Variants in BBS7 observed in about 807,000 individuals in gnomAD.
The protein encoded by BBS7 is BBSome complex member BBS7.
In BBS7, 50 loss-of-function variants were observed where a neutral mutation model predicts 90.3. The observed-to-expected ratio is 0.55, with a 90% CI of 0.44 to 0.70. The LOEUF is 0.70. Among genes scored for constraint, BBS7 ranks in the 30% least tolerant of loss-of-function variants. The pLI, the probability that BBS7 is intolerant of heterozygous loss-of-function variation, is 0.00. For synonymous variants in BBS7, 235 were observed against 287.4 expected (o/e 0.82, Z 1.85); for missense variants, 729 against 838.9 (o/e 0.87, Z 1.62).
intron 15 of BBS7, 60 bp from the exon 16 acceptor site, chr4:121,828,788 T>C: frequency 9.9e-7 from 1 of 1,007,588 alleles, no homozygotes; most frequent in Non-Finnish European, 1.5e-6. Context: ...CCAGTACATA[T>C]ATATTTTATG....
At chr4:121,838,192 AAAT>A (rs1344518510) in intron 13 of BBS7, among the ~76,000 whole-genome samples, 3 of 152,172 alleles carry the variant, frequency 2.0e-5, no homozygotes, top group African/African-American at 7.2e-5. Context: ...TAAAATGTTT[AAAT>A]GTGTTTTTTC....
rs549806779 is a variant in BBS7 at position 121,867,274 on chromosome 4, C to T, written c.102+707G>A. 3.3e-5 allele frequency among the ~76,000 whole-genome samples: 5 copies of T among 152,052 alleles called. No individual in the cohort carries two copies. In the South Asian group the frequency reaches 1.0e-3, roughly 32 times the overall value. On this transcript the variant is annotated intron_variant, in intron 2 of 18. Transcript: ENST00000264499. ...TAATTTCAGTATATTAATTTTGTAT[C>T]CTGCAACTTTACTGAATTCATTTGT...
chr4:121,866,166 A>G (rs1339624918), intron 2 of BBS7, among the ~76,000 whole-genome samples: 2 of 152,056 alleles, frequency 1.3e-5, no homozygotes, highest in African/African-American at 4.8e-5. Flanking sequence ...CCCATTCTAT[A>G]GATTGTCTTT....
At chr4:121,856,423 C>G (rs150441504) in intron 5 of BBS7, among the ~76,000 whole-genome samples, 4 of 152,076 alleles carry the variant, frequency 2.6e-5, no homozygotes, top group African/African-American at 9.7e-5. Flanking sequence ...TCAATGAATA[C>G]AAAATTTGCA....
rs1724877622 is a variant in BBS7 at position 121,825,811 on chromosome 4, T to G, written c.*49A>C. 1 of 1,586,496 alleles carries G rather than the reference T, an allele frequency of 6.3e-7. No homozygotes were observed. ...GTTAACTTCTAATTCTCTTTTAACA[T>G]TTTTCATTTAAACAGACCACTTCTT... On this transcript the variant is annotated 3_prime_UTR_variant, in exon 19 of 19. Transcript: ENST00000264499.
At chr4:121,834,692 A>G (rs1378407691) in intron 14 of BBS7, among the ~76,000 whole-genome samples, 1 of 152,200 alleles carries the variant, frequency 6.6e-6, no homozygotes, top group Non-Finnish European at 1.5e-5. Flanking sequence ...GAAAAACTAC[A>G]AAGAAGTGGA....
chr4:121,870,145 G>T, intron 1 of BBS7, 133 bp downstream of exon 1: 2 of 1,107,110 alleles, frequency 1.8e-6, no homozygotes, highest in Non-Finnish European at 2.8e-6. Context: ...GTGCTGAGAG[G>T]TCGGCACCCA....
chr4:121,867,548 C>T (rs1342238644), intron 2 of BBS7, among the ~76,000 whole-genome samples: 1 of 152,212 alleles, frequency 6.6e-6, no homozygotes, highest in Middle Eastern at 3.4e-3. Flanking sequence ...TACTAAGAAA[C>T]TATAATTGTT....
chr4:121,870,189 C>A (rs1157146074), intron 1 of BBS7, 89 bp downstream of exon 1: 12 of 1,563,984 alleles, frequency 7.7e-6, no homozygotes, highest in East Asian at 4.5e-5. Context: ...CAGCTCCTGG[C>A]GACCGAGACT....
intron 11 of BBS7, among the ~76,000 whole-genome samples, chr4:121,844,533 G>GTT (rs11439023): frequency 0.025 from 3,674 of 149,536 alleles, 57 homozygotes; most frequent in Middle Eastern, 0.069. Context: ...CTGCCTTTAG[G>GTT]TTTTTTTTTT....
At chr4:121,864,940 T>C (rs1017614898) in intron 2 of BBS7, among the ~76,000 whole-genome samples, 1 of 152,180 alleles carries the variant, frequency 6.6e-6, no homozygotes, top group Non-Finnish European at 1.5e-5. Context: ...TTTGAAACTA[T>C]ATATTGTTAA....
At chr4:121,845,937 A>G (rs1560652172) in intron 10 of BBS7, among the ~76,000 whole-genome samples, 1 of 152,326 alleles carries the variant, frequency 6.6e-6, no homozygotes, top group East Asian at 1.9e-4. Flanking sequence ...ATATTAATAG[A>G]GAGTTTTAAA....
chr4:121,839,559 A>G, intron 13 of BBS7, 72 bp downstream of exon 13: 2 of 1,186,970 alleles, frequency 1.7e-6, no homozygotes, highest in South Asian at 1.3e-5. Context: ...ATAATATCAT[A>G]TGTTGTAAGA....
chr4:121,849,819 ACTGT>A (rs1056209486), intron 8 of BBS7, among the ~76,000 whole-genome samples: 4 of 152,178 alleles, frequency 2.6e-5, no homozygotes, highest in Non-Finnish European at 5.9e-5. Flanking sequence ...ACAGAGCGAG[ACTGT>A]CTAAAAAATA....
At chr4:121,856,439 G>C (rs1023067147) in intron 5 of BBS7, among the ~76,000 whole-genome samples, 2 of 152,064 alleles carry the variant, frequency 1.3e-5, no homozygotes, top group Non-Finnish European at 2.9e-5. Flanking sequence ...TTGCAAAATG[G>C]GGTGTGGTGG....
At chr4:121,865,101 G>A (rs995428411) in intron 2 of BBS7, among the ~76,000 whole-genome samples, 2 of 151,666 alleles carry the variant, frequency 1.3e-5, no homozygotes, top group Non-Finnish European at 2.9e-5. Flanking sequence ...TTACTTTAAC[G>A]TGACCAACTT....
chr4:121,861,712 A>T (rs372286341), intron 3 of BBS7, 33 bp from the exon 4 acceptor site: 14 of 1,610,808 alleles, frequency 8.7e-6, no homozygotes, highest in Non-Finnish European at 1.2e-5. Context: ...AAAGTACACA[A>T]ATTACTTTAT....
At chr4:121,841,564 C>G (rs1289618157) in intron 12 of BBS7, among the ~76,000 whole-genome samples, 2 of 149,358 alleles carry the variant, frequency 1.3e-5, no homozygotes, top group African/African-American at 4.9e-5. Context: ...AGACCCCCAT[C>G]TTTTAAAAAA....
At chr4:121,841,305 A>C (rs1238659676) in intron 12 of BBS7, among the ~76,000 whole-genome samples, 1 of 152,118 alleles carries the variant, frequency 6.6e-6, no homozygotes, top group African/African-American at 2.4e-5. Context: ...CTGTAATCCC[A>C]GCACTTTGGG....
Sources: gnomAD v4.1 joint callset for allele counts (sites outside exome capture counted in the v4.1 genomes callset) on GRCh38, gnomAD v4.1.1 for gene constraint, MANE v1.5 for transcripts, NCBI Gene and HGNC (gene_info 2026-07-23, HGNC 2026-07-21) for gene names.